TMEM132D: variants seen among roughly 807,000 people sequenced by gnomAD.
TMEM132D encodes transmembrane protein 132D.
Under a neutral mutation model 62.3 loss-of-function variants are expected in TMEM132D, and 21 were observed. The ratio of observed to expected loss-of-function variants is 0.34; its 90% CI spans 0.24 to 0.49. TMEM132D has a LOEUF of 0.49. TMEM132D is among the 20% of genes least tolerant of loss of function. The probability of loss-of-function intolerance (pLI) is 0.99; values close to 1 mark genes in which losing one functional copy is unlikely to be tolerated. For missense variants in TMEM132D, 1,346 were observed against 1,402.8 expected, an observed-to-expected ratio of 0.96 and a Z score of 0.65; for synonymous variants, 621 against 575.6, an observed-to-expected ratio of 1.08 and a Z score of -1.13.
chr12:129,533,828 T>C (rs564049409), intron 2 of TMEM132D, among the ~76,000 whole-genome samples: 96 of 152,340 alleles, frequency 6.3e-4, no homozygotes, highest in African/African-American at 2.1e-3. Context: ...ATTTTCATAA[T>C]AGAACACACA....
At chr12:129,888,727 A>AG (rs1276299780) in intron 1 of TMEM132D, among the ~76,000 whole-genome samples, 3 of 152,148 alleles carry the variant, frequency 2.0e-5, no homozygotes, top group African/African-American at 7.2e-5. Flanking sequence ...AACAGCCCTA[A>AG]GGGTGGACTG....
chr12:129,658,184 A>G (rs1593108597), intron 2 of TMEM132D, among the ~76,000 whole-genome samples: 1 of 152,240 alleles, frequency 6.6e-6, no homozygotes, highest in Admixed American at 6.5e-5. Context: ...TAAACTTTCT[A>G]GGAAAAGAAA....
intron 8 of TMEM132D, among the ~76,000 whole-genome samples, chr12:129,075,627 C>CTGGCCTCAGGCCATAGTCTTGGCT (rs1235600222): frequency 1.3e-5 from 2 of 152,196 alleles, no homozygotes; most frequent in Non-Finnish European, 1.5e-5. Flanking sequence ...TGGATCTGTC[C>CTGGCCTCAGGCCATAGTCTTGGCT]TGGCCTCAGG....
At chr12:129,169,137 C>T (rs1877645189) in intron 5 of TMEM132D, among the ~76,000 whole-genome samples, 1 of 152,194 alleles carries the variant, frequency 6.6e-6, no homozygotes, top group South Asian at 2.1e-4. Flanking sequence ...AGATCTCCAG[C>T]CCCCAGCCCT....
intron 1 of TMEM132D, among the ~76,000 whole-genome samples, chr12:129,725,050 C>A (rs1868982739): frequency 6.6e-6 from 1 of 152,168 alleles, no homozygotes; most frequent in Admixed American, 6.5e-5. Flanking sequence ...TTCCCTACTC[C>A]AGTAAGCACA....
At chr12:129,247,340 G>T (rs1033071719) in intron 4 of TMEM132D, among the ~76,000 whole-genome samples, 1 of 152,128 alleles carries the variant, frequency 6.6e-6, no homozygotes, top group Non-Finnish European at 1.5e-5. Flanking sequence ...CCAAAATGGT[G>T]CCATTTATAA....
chr12:129,863,844 G>T (rs1949598753), intron 1 of TMEM132D, among the ~76,000 whole-genome samples: 1 of 152,094 alleles, frequency 6.6e-6, no homozygotes, highest in Non-Finnish European at 1.5e-5. Context: ...CCATTTTCTG[G>T]TAACTGCCCA....
intron 3 of TMEM132D, among the ~76,000 whole-genome samples, chr12:129,407,943 T>C (rs1044024360): frequency 6.6e-6 from 1 of 151,456 alleles, no homozygotes; most frequent in East Asian, 1.9e-4. Context: ...TGGACAGTGG[T>C]TTCCATACTG....
At chr12:129,839,777 C>T (rs1196561847) in intron 1 of TMEM132D, among the ~76,000 whole-genome samples, 3 of 152,172 alleles carry the variant, frequency 2.0e-5, no homozygotes, top group African/African-American at 7.2e-5. Flanking sequence ...GGAGCTTCAA[C>T]AGAGGCGATC....
At position 129,313,237 on chromosome 12, in the gene TMEM132D, T is replaced by G. The variant is rs142546442; in HGVS notation, c.1299+24397A>C. 3.7e-3 allele frequency among the ~76,000 whole-genome samples: 567 copies of G among 152,312 alleles called. 2 individuals are homozygous for G. The highest frequency in any genetic ancestry group is 9.4e-3 in the African/African-American group (389 of 41,564). On this transcript the variant is annotated intron_variant, in intron 4 of 8. Transcript: ENST00000422113. ...TTGGTTACATGAGTTAGTTCTTTGG[T>G]GGCGATTTGTGAGATTTTGGTGCAC...
intron 3 of TMEM132D, among the ~76,000 whole-genome samples, chr12:129,513,053 GC>G (rs1875542244): frequency 6.6e-6 from 1 of 152,166 alleles, no homozygotes; most frequent in African/African-American, 2.4e-5. Context: ...ATTTTGTGTT[GC>G]TAGAAAAGAA....
chr12:129,570,000 T>G (rs1409933497), intron 2 of TMEM132D, among the ~76,000 whole-genome samples: 1 of 152,180 alleles, frequency 6.6e-6, no homozygotes, highest in Non-Finnish European at 1.5e-5. Flanking sequence ...GTTTCTTCAA[T>G]TCTACGGGAA....
chr12:129,515,396 G>T (rs1875643464), intron 3 of TMEM132D, among the ~76,000 whole-genome samples: 1 of 152,038 alleles, frequency 6.6e-6, no homozygotes, highest in East Asian at 1.9e-4. Context: ...AAATTGGTAG[G>T]GCACTACCAA....
At chr12:129,646,407 C>G (rs1420757361) in intron 2 of TMEM132D, among the ~76,000 whole-genome samples, 1 of 152,162 alleles carries the variant, frequency 6.6e-6, no homozygotes, top group Non-Finnish European at 1.5e-5. Flanking sequence ...TCGGCCATGA[C>G]TCTCCCAGCC....
chr12:129,610,427 T>C (rs1022919410), intron 2 of TMEM132D, among the ~76,000 whole-genome samples: 4 of 152,234 alleles, frequency 2.6e-5, no homozygotes, highest in Non-Finnish European at 4.4e-5. Context: ...TTCCCTAATA[T>C]ATTAAAGAGT....
intron 1 of TMEM132D, among the ~76,000 whole-genome samples, chr12:129,872,815 C>T (rs754235678): frequency 6.6e-5 from 10 of 152,148 alleles, no homozygotes; most frequent in Non-Finnish European, 1.2e-4. Context: ...TGTCAACAAA[C>T]CCGTTAATAA....
chr12:129,341,028 G>T (rs1364767845), intron 3 of TMEM132D, among the ~76,000 whole-genome samples: 2 of 152,124 alleles, frequency 1.3e-5, no homozygotes, highest in Non-Finnish European at 2.9e-5. Flanking sequence ...TGATCTCGTT[G>T]GAATATCTCA....
intron 5 of TMEM132D, among the ~76,000 whole-genome samples, chr12:129,198,117 T>C (rs1200357623): frequency 1.3e-5 from 2 of 152,214 alleles, no homozygotes; most frequent in African/African-American, 2.4e-5. Flanking sequence ...AGAATGGCTA[T>C]TATTAAGAAT....
chr12:129,212,950 T>C lies in TMEM132D; in HGVS notation c.1300-3287A>G, dbSNP rs139702230. ...GTCTTGCTAGAGAAATAATGACCCA[T>C]GTCTTAGTTTGAGCCAGCCTGGAAG... On this transcript the variant is annotated intron_variant, in intron 4 of 8. Coordinates refer to ENST00000422113, the MANE Select transcript of TMEM132D (RefSeq NM_133448.3). Among the ~76,000 whole-genome samples the C allele has an allele frequency of 5.6e-3, 857 of 152,286 alleles. 27 individuals carry two copies. The highest frequency in any genetic ancestry group is 0.052 in the Admixed American group (793 of 15,306).
Sources: gnomAD v4.1 joint callset for allele counts (sites outside exome capture counted in the v4.1 genomes callset) on GRCh38, gnomAD v4.1.1 for gene constraint, MANE v1.5 for transcripts, NCBI Gene and HGNC (gene_info 2026-07-23, HGNC 2026-07-21) for gene names.